SLIT3: variants seen among roughly 807,000 people sequenced by gnomAD.
The protein encoded by SLIT3 is slit homolog 3 protein.
In SLIT3, 68 loss-of-function variants were observed where a neutral mutation model predicts 184.0. That is an observed-to-expected ratio of 0.37 (90% CI 0.30 to 0.45). SLIT3 has a LOEUF of 0.45. Among genes scored for constraint, SLIT3 ranks in the 20% least tolerant of loss-of-function variants. SLIT3 has a pLI of 1.00. For missense variants in SLIT3, 1,707 were observed against 2,026.0 expected, an observed-to-expected ratio of 0.84 and a Z score of 3.02; for synonymous variants, 831 against 828.6, an observed-to-expected ratio of 1.00 and a Z score of -0.05.
intron 4 of SLIT3, among the ~76,000 whole-genome samples, chr5:168,962,360 C>T (rs1353214848): frequency 1.3e-5 from 2 of 151,074 alleles, no homozygotes; most frequent in Admixed American, 6.6e-5. Flanking sequence ...AGTGGTACCC[C>T]ACATATCTGT....
intron 6 of SLIT3, among the ~76,000 whole-genome samples, chr5:168,835,295 C>T (rs956986522): frequency 6.6e-6 from 1 of 152,034 alleles, no homozygotes. Context: ...TATAAAATCC[C>T]ACATCTGCTG....
At chr5:168,791,509 AG>A (rs1756368361) in intron 10 of SLIT3, 1 of 152,210 alleles carries the variant, frequency 6.6e-6, no homozygotes, top group African/African-American at 2.4e-5. Context: ...GCTGGTTCAA[AG>A]GTAGTGAGTT....
chr5:169,293,800 A>G (rs1447973196), intron 1 of SLIT3, among the ~76,000 whole-genome samples: 2 of 152,218 alleles, frequency 1.3e-5, no homozygotes, highest in African/African-American at 4.8e-5. Flanking sequence ...CAAACATGGT[A>G]CTGACAACAC....
At chr5:168,686,072 CA>C in intron 30 of SLIT3, 145 bp from the exon 31 acceptor site, 1 of 938,144 alleles carries the variant, frequency 1.1e-6, no homozygotes, top group Non-Finnish European at 1.5e-6. Flanking sequence ...CCAGCCCTGC[CA>C]CTAACCGGGG....
At chr5:169,090,296 T>A (rs1342462516) in intron 4 of SLIT3, among the ~76,000 whole-genome samples, 1 of 152,104 alleles carries the variant, frequency 6.6e-6, no homozygotes, top group African/African-American at 2.4e-5. Flanking sequence ...ATAATGATAC[T>A]CTGCTTCTCC....
At chr5:169,085,584 T>C (rs1759260279) in intron 4 of SLIT3, among the ~76,000 whole-genome samples, 2 of 152,108 alleles carry the variant, frequency 1.3e-5, no homozygotes, top group South Asian at 4.2e-4. Flanking sequence ...TGTTTAAGCC[T>C]TGATGAAAAT....
chr5:168,843,757 G>T (rs990937644), intron 6 of SLIT3, among the ~76,000 whole-genome samples: 15 of 152,106 alleles, frequency 9.9e-5, no homozygotes, highest in African/African-American at 3.6e-4. Flanking sequence ...GTGTAGCTTT[G>T]GTGAGAATAA....
At position 168,823,209 on chromosome 5, in the gene SLIT3, T is replaced by C. The variant is rs774026504; in HGVS notation, c.629+51A>G. ...ACAAGCAGCGTAGAGTGCTGCACTT[T>C]GGGCGTGAGGTAGGGAGAAAATGGG... On this transcript the variant is annotated intron_variant, in intron 7 of 35. Transcript: ENST00000519560. 10 of 1,405,386 alleles carry C rather than the reference T, an allele frequency of 7.1e-6. No homozygotes were observed. The South Asian group carries it at 9.2e-5, about 13-fold the overall frequency. The allele number at this position is 1,405,386 out of a possible 1,614,324, so 87.1% of individuals were successfully genotyped here.
intron 4 of SLIT3, among the ~76,000 whole-genome samples, chr5:168,948,240 A>G (rs1762549427): frequency 1.3e-5 from 2 of 152,200 alleles, no homozygotes; most frequent in Non-Finnish European, 2.9e-5. Context: ...TGCCTGGCAC[A>G]CAGTGGGTGC....
chr5:169,073,440 A>G (rs1758624691), intron 4 of SLIT3, among the ~76,000 whole-genome samples: 1 of 150,066 alleles, frequency 6.7e-6, no homozygotes, highest in African/African-American at 2.5e-5. Context: ...CCTTCTTCCA[A>G]CATTTGGGGA....
chr5:168,811,498 C>T (rs1213612848), intron 8 of SLIT3, among the ~76,000 whole-genome samples: 3 of 152,180 alleles, frequency 2.0e-5, no homozygotes, highest in Admixed American at 2.0e-4. Flanking sequence ...CCATTTATTG[C>T]CATGAAACTG....
intron 3 of SLIT3, among the ~76,000 whole-genome samples, chr5:169,194,648 T>C (rs763060395): frequency 3.3e-5 from 5 of 152,206 alleles, no homozygotes; most frequent in Non-Finnish European, 5.9e-5. Context: ...TTGTAGACCC[T>C]TATCACCATC....
intron 3 of SLIT3, among the ~76,000 whole-genome samples, chr5:169,203,809 C>T (rs930250741): frequency 6.6e-6 from 1 of 151,964 alleles, no homozygotes; most frequent in Non-Finnish European, 1.5e-5. Context: ...ATATTTTGGC[C>T]TGTGCATCTA....
chr5:169,024,371 C>T (rs1756729030), intron 4 of SLIT3: 1 of 152,240 alleles, frequency 6.6e-6, no homozygotes, highest in African/African-American at 2.4e-5. Flanking sequence ...CTGCCCACAA[C>T]ATGAGCCGTG....
intron 16 of SLIT3, among the ~76,000 whole-genome samples, chr5:168,757,797 G>C (rs1440814182): frequency 1.3e-5 from 2 of 152,248 alleles, no homozygotes; most frequent in East Asian, 3.9e-4. Flanking sequence ...GCCCTCTCCT[G>C]TCTTTCCACA....
At chr5:169,134,839 A>G (rs1039826394) in intron 4 of SLIT3, among the ~76,000 whole-genome samples, 1 of 152,188 alleles carries the variant, frequency 6.6e-6, no homozygotes, top group Non-Finnish European at 1.5e-5. Flanking sequence ...CATTTATTGC[A>G]GCTTGGACTA....
At chr5:169,191,635 C>G (rs1404456809) in intron 4 of SLIT3, among the ~76,000 whole-genome samples, 1 of 152,082 alleles carries the variant, frequency 6.6e-6, no homozygotes, top group Non-Finnish European at 1.5e-5. Context: ...TATTTAGATA[C>G]CGAAGGAAAA....
chr5:168,914,321 C>T (rs1303459476), intron 4 of SLIT3, among the ~76,000 whole-genome samples: 2 of 152,004 alleles, frequency 1.3e-5, no homozygotes, highest in Non-Finnish European at 2.9e-5. Flanking sequence ...GATCATAGTC[C>T]CAGAGGAAGG....
intron 9 of SLIT3, among the ~76,000 whole-genome samples, chr5:168,798,823 A>G (rs1756667339): frequency 6.6e-6 from 1 of 152,058 alleles, no homozygotes; most frequent in African/African-American, 2.4e-5. Context: ...GGTCTGTCTG[A>G]CTTAATAGTC....
Sources: gnomAD v4.1 joint callset for allele counts (sites outside exome capture counted in the v4.1 genomes callset) on GRCh38, gnomAD v4.1.1 for gene constraint, MANE v1.5 for transcripts, NCBI Gene and HGNC (gene_info 2026-07-23, HGNC 2026-07-21) for gene names.